CNTLN: variants seen among roughly 807,000 people sequenced by gnomAD.
CNTLN encodes the protein centlein, centrosomal protein.
Under a neutral mutation model 180.0 loss-of-function variants are expected in CNTLN, and 212 were observed. That is an observed-to-expected ratio of 1.18 (90% CI 1.05 to 1.32). The LOEUF (loss-of-function observed/expected upper bound fraction) is 1.32, where lower values mean the gene tolerates loss of function less well. Ranked by LOEUF, CNTLN falls within the 40% of genes most tolerant of loss-of-function variation. The pLI, the probability that CNTLN is intolerant of heterozygous loss-of-function variation, is 0.00. For missense variants in CNTLN, 2,095 were observed against 1,610.9 expected (o/e 1.30, Z -5.14); for synonymous variants, 722 against 563.1 (o/e 1.28, Z -3.99).
intron 15 of CNTLN, among the ~76,000 whole-genome samples, chr9:17,407,447 T>G (rs1194911406): frequency 6.6e-6 from 1 of 152,206 alleles, no homozygotes; most frequent in Non-Finnish European, 1.5e-5. Flanking sequence ...CAAATTGTGA[T>G]TAACATGACG....
At chr9:17,407,185 C>T (rs1207677790) in intron 15 of CNTLN, among the ~76,000 whole-genome samples, 2 of 152,086 alleles carry the variant, frequency 1.3e-5, no homozygotes, top group African/African-American at 2.4e-5. Flanking sequence ...ATATGGGAAA[C>T]AGAAAAGTGT....
At chr9:17,438,482 A>C (rs1829912644) in intron 18 of CNTLN, among the ~76,000 whole-genome samples, 1 of 152,192 alleles carries the variant, frequency 6.6e-6, no homozygotes, top group Non-Finnish European at 1.5e-5. Flanking sequence ...ATGATAGAAG[A>C]ATTGTATTTG....
At chr9:17,461,788 A>C (rs1196696390) in intron 19 of CNTLN, among the ~76,000 whole-genome samples, 2 of 151,634 alleles carry the variant, frequency 1.3e-5, no homozygotes, top group African/African-American at 2.4e-5. Flanking sequence ...AAAACTTAAC[A>C]AATGGATTAA....
At chr9:17,240,010 A>G (rs1292176572) in intron 5 of CNTLN, among the ~76,000 whole-genome samples, 2 of 152,096 alleles carry the variant, frequency 1.3e-5, no homozygotes, top group African/African-American at 4.8e-5. Context: ...GCCATCAGAG[A>G]GTTTAATAGA....
intron 23 of CNTLN, among the ~76,000 whole-genome samples, chr9:17,478,991 G>T (rs1832499567): frequency 6.6e-6 from 1 of 152,164 alleles, no homozygotes; most frequent in Admixed American, 6.5e-5. Context: ...CAATGCCACA[G>T]TGAGATAACA....
chr9:17,153,402 C>G (rs765510701), intron 2 of CNTLN, among the ~76,000 whole-genome samples: 6 of 152,130 alleles, frequency 3.9e-5, no homozygotes, highest in Non-Finnish European at 7.3e-5. Context: ...CTTTATTTCT[C>G]ATTCGCTTAT....
intron 18 of CNTLN, among the ~76,000 whole-genome samples, chr9:17,441,464 G>T (rs1830102837): frequency 6.6e-6 from 1 of 151,934 alleles, no homozygotes; most frequent in Non-Finnish European, 1.5e-5. Flanking sequence ...TGTGATTGAA[G>T]TTATGTTGTT....
chr9:17,505,244 C>T (rs907097522), downstream of CNTLN, among the ~76,000 whole-genome samples: 6 of 152,058 alleles, frequency 3.9e-5, no homozygotes, highest in African/African-American at 1.4e-4. Flanking sequence ...AGACCAAACA[C>T]TTCCCCCTAT....
chr9:17,276,462 C>G (rs115287078), intron 6 of CNTLN, among the ~76,000 whole-genome samples: 3 of 152,218 alleles, frequency 2.0e-5, no homozygotes, highest in African/African-American at 4.8e-5. Context: ...CTTTTCCTCA[C>G]TGATAAATGA....
chr9:17,504,560 G>A (rs187860582), downstream of CNTLN, among the ~76,000 whole-genome samples: 3 of 152,254 alleles, frequency 2.0e-5, no homozygotes, highest in Admixed American at 2.0e-4. Flanking sequence ...TTGCAAATAT[G>A]ATTAAGTCAA....
At chr9:17,390,559 A>G (rs1261158748) in intron 14 of CNTLN, among the ~76,000 whole-genome samples, 5 of 152,090 alleles carry the variant, frequency 3.3e-5, no homozygotes, top group African/African-American at 9.7e-5. Flanking sequence ...AGAGCCATCT[A>G]TTTGGTATAT....
chr9:17,270,152 A>G (rs968753590), intron 5 of CNTLN, among the ~76,000 whole-genome samples: 1 of 152,046 alleles, frequency 6.6e-6, no homozygotes, highest in Admixed American at 6.5e-5. Flanking sequence ...TTCTCTTAGT[A>G]TATTACCTAA....
intron 2 of CNTLN, among the ~76,000 whole-genome samples, chr9:17,151,176 A>G (rs76747107): frequency 1.3e-5 from 2 of 152,252 alleles, no homozygotes; most frequent in South Asian, 2.1e-4. Context: ...AGAACTTCCA[A>G]TATTATGTTG....
intron 18 of CNTLN, chr9:17,447,455 C>G (rs781371124): frequency 1.2e-5 from 2 of 160,600 alleles, no homozygotes; most frequent in Non-Finnish European, 2.8e-5. Flanking sequence ...GCCCAGCGTG[C>G]TTCTCCACCT....
chr9:17,265,431 G>T (rs560982060), intron 5 of CNTLN, among the ~76,000 whole-genome samples: 2 of 152,166 alleles, frequency 1.3e-5, no homozygotes, highest in African/African-American at 4.8e-5. Flanking sequence ...TGTGCTGCTG[G>T]ATTCGGTTTG....
At chr9:17,408,252 G>C (rs1351574137) in intron 15 of CNTLN, among the ~76,000 whole-genome samples, 1 of 151,500 alleles carries the variant, frequency 6.6e-6, no homozygotes, top group Non-Finnish European at 1.5e-5. Context: ...ATATAATGAT[G>C]TCTAAATAGT....
intron 2 of CNTLN, among the ~76,000 whole-genome samples, chr9:17,206,306 C>T (rs1347110287): frequency 6.6e-6 from 1 of 152,116 alleles, no homozygotes; most frequent in Non-Finnish European, 1.5e-5. Context: ...CACATTACAG[C>T]AATAAGCTAC....
At chr9:17,449,210 G>A (rs887084920) in intron 18 of CNTLN, among the ~76,000 whole-genome samples, 7 of 152,140 alleles carry the variant, frequency 4.6e-5, no homozygotes, top group African/African-American at 1.7e-4. Context: ...CTGGTATTTA[G>A]TTTTCAAGAG....
chr9:17,295,626 G>A lies in CNTLN; in HGVS notation c.984-2564G>A, dbSNP rs182000145. On this transcript the variant is annotated intron_variant, in intron 6 of 25. Transcript: ENST00000380647. ...CCTCCGACCACAGCTGTTTCTAGTC[G>A]GCCATCTTGGCCCGCCCTGTTTTTC... Among the ~76,000 whole-genome samples the A allele has an allele frequency of 3.4e-3, 517 of 152,122 alleles. 1 individual carries two copies. The highest frequency in any genetic ancestry group is 5.5e-3 in the Non-Finnish European group (377 of 67,996).
Sources: gnomAD v4.1 joint callset for allele counts (sites outside exome capture counted in the v4.1 genomes callset) on GRCh38, gnomAD v4.1.1 for gene constraint, MANE v1.5 for transcripts, NCBI Gene and HGNC (gene_info 2026-07-23, HGNC 2026-07-21) for gene names.